SNTG2: variants seen among roughly 807,000 people sequenced by gnomAD.
SNTG2 encodes gamma-2-syntrophin.
In SNTG2, 74 loss-of-function variants were observed where a neutral mutation model predicts 70.9. The ratio of observed to expected loss-of-function variants is 1.04; its 90% CI spans 0.86 to 1.27. The LOEUF is 1.27. Among genes scored for constraint, SNTG2 ranks in the 50% most tolerant of loss-of-function variants. SNTG2 has a pLI of 0.00. For synonymous variants in SNTG2, 278 were observed against 273.8 expected, an observed-to-expected ratio of 1.02 and a Z score of -0.15; for missense variants, 717 against 690.7, an observed-to-expected ratio of 1.04 and a Z score of -0.43.
intron 12 of SNTG2, among the ~76,000 whole-genome samples, chr2:1,254,697 G>A (rs561618000): frequency 1.2e-4 from 19 of 152,222 alleles, no homozygotes; most frequent in Admixed American, 5.2e-4. Flanking sequence ...CTACAATTTC[G>A]GCTCCATTTC....
intron 11 of SNTG2, among the ~76,000 whole-genome samples, chr2:1,241,342 T>A (rs1242061140): frequency 1.3e-5 from 2 of 152,180 alleles, no homozygotes; most frequent in Non-Finnish European, 2.9e-5. Flanking sequence ...AGAGCATACG[T>A]GGGAATGGGC....
chr2:1,194,060 G>A (rs115172472), intron 8 of SNTG2, among the ~76,000 whole-genome samples: 1,992 of 152,342 alleles, frequency 0.013, 46 homozygotes, highest in African/African-American at 0.045. Context: ...CACAGGGCAG[G>A]AATCCTGGCA....
chr2:1,147,767 A>G (rs1242781809), intron 6 of SNTG2, among the ~76,000 whole-genome samples: 1 of 152,228 alleles, frequency 6.6e-6, no homozygotes, highest in African/African-American at 2.4e-5. Context: ...GAGTGAGGCT[A>G]ATGACTAGCT....
intron 4 of SNTG2, among the ~76,000 whole-genome samples, chr2:1,114,810 A>T (rs1015499178): frequency 6.6e-6 from 1 of 152,112 alleles, no homozygotes; most frequent in Non-Finnish European, 1.5e-5. Flanking sequence ...TAACCCTTAT[A>T]GTCCTTTGAG....
chr2:1,273,585 G>A (rs1679146872), intron 14 of SNTG2, among the ~76,000 whole-genome samples: 1 of 151,338 alleles, frequency 6.6e-6, no homozygotes, highest in Admixed American at 6.6e-5. Context: ...TGGGATAATT[G>A]GATGCCTATA....
At chr2:1,220,175 T>A (rs771599352) in intron 9 of SNTG2, 4 of 152,390 alleles carry the variant, frequency 2.6e-5, no homozygotes. Context: ...AGGGAGACAG[T>A]GTCCTGGCAG....
intron 1 of SNTG2, among the ~76,000 whole-genome samples, chr2:1,056,692 A>G (rs1176916973): frequency 2.2e-4 from 3 of 13,374 alleles, no homozygotes; most frequent in African/African-American, 2.6e-4. Flanking sequence ...CGGGAGGGAG[A>G]GGGCGGCGCC....
At chr2:953,404 A>G (rs2147937771) in intron 1 of SNTG2, among the ~76,000 whole-genome samples, 1 of 152,376 alleles carries the variant, frequency 6.6e-6, no homozygotes, top group Admixed American at 6.5e-5. Context: ...AGCCGGGAAC[A>G]TGCCCATTTA....
At chr2:980,581 A>G (rs1661064538) in intron 1 of SNTG2, among the ~76,000 whole-genome samples, 1 of 152,192 alleles carries the variant, frequency 6.6e-6, no homozygotes, top group Non-Finnish European at 1.5e-5. Flanking sequence ...TGATTTCTAC[A>G]GAGCTCACAT....
intron 1 of SNTG2, among the ~76,000 whole-genome samples, chr2:1,052,909 A>C (rs1043413210): frequency 1.3e-5 from 2 of 152,234 alleles, no homozygotes; most frequent in African/African-American, 2.4e-5. Context: ...GTAAGCTCAC[A>C]ATCTGTTCAA....
At chr2:1,263,279 A>G (rs1425013148) in intron 13 of SNTG2, among the ~76,000 whole-genome samples, 1 of 152,216 alleles carries the variant, frequency 6.6e-6, no homozygotes, top group African/African-American at 2.4e-5. Flanking sequence ...TAATTCTACT[A>G]TAAATTTATA....
chr2:1,137,645 G>A lies in SNTG2; in HGVS notation c.349G>A (p.Val117Ile), dbSNP rs777751639. The A allele has an allele frequency of 2.9e-5, 47 of 1,612,950 alleles. No homozygotes were observed. Among genetic ancestry groups the A allele is most frequent in the Middle Eastern group, 1.7e-4 (1 of 6,056 alleles). Residue 117 changes from valine to isoleucine, a missense_variant, in exon 5 of 17, where the codon GTA becomes ATA. Transcript: ENST00000308624. ...AGCTGACCAGACAGGGATGTTGTTC[G>A]TAGGAGATGCTGTTCTCCAGGTCAG... ...QAADQTGMLF[V>I]GDAVLQVNGI...
chr2:1,049,068 C>T (rs1319106544), intron 1 of SNTG2, among the ~76,000 whole-genome samples: 1 of 152,094 alleles, frequency 6.6e-6, no homozygotes, highest in Non-Finnish European at 1.5e-5. Flanking sequence ...CCTATGTACT[C>T]CTAGTCCCCC....
At chr2:983,629 G>A (rs962559195) in intron 1 of SNTG2, among the ~76,000 whole-genome samples, 2 of 152,228 alleles carry the variant, frequency 1.3e-5, no homozygotes, top group Non-Finnish European at 2.9e-5. Flanking sequence ...GCACTCAGTG[G>A]CTCCCGTTGC....
intron 6 of SNTG2, among the ~76,000 whole-genome samples, chr2:1,150,289 A>G (rs1307210892): frequency 6.6e-6 from 1 of 152,192 alleles, no homozygotes; most frequent in Non-Finnish European, 1.5e-5. Context: ...GGCAGTGCTA[A>G]CAAGCATCTT....
intron 8 of SNTG2, among the ~76,000 whole-genome samples, chr2:1,196,883 C>T (rs1672941082): frequency 6.6e-6 from 1 of 151,966 alleles, no homozygotes; most frequent in Non-Finnish European, 1.5e-5. Flanking sequence ...ATTAAGGGAG[C>T]CCTACACCTG....
At chr2:1,144,889 CA>C (rs1472361283) in intron 6 of SNTG2, among the ~76,000 whole-genome samples, 1 of 152,134 alleles carries the variant, frequency 6.6e-6, no homozygotes, top group Admixed American at 6.5e-5. Flanking sequence ...GCTCTTAAAC[CA>C]AAATGGAGTT....
intron 8 of SNTG2, among the ~76,000 whole-genome samples, chr2:1,189,420 G>T (rs929266112): frequency 2.6e-5 from 4 of 152,084 alleles, no homozygotes; most frequent in African/African-American, 9.7e-5. Flanking sequence ...GCATAGTCAA[G>T]GTATTATTGA....
At chr2:1,009,307 G>A (rs920338198) in intron 1 of SNTG2, among the ~76,000 whole-genome samples, 1 of 119,206 alleles carries the variant, frequency 8.4e-6, no homozygotes, top group Non-Finnish European at 1.7e-5. Flanking sequence ...TGCTGGTTCT[G>A]ATACTGGTGT....
Sources: allele counts gnomAD v4.1 joint callset (sites outside exome capture counted in the v4.1 genomes callset), GRCh38; gene constraint gnomAD v4.1.1; transcripts MANE v1.5; gene names NCBI Gene and HGNC (gene_info 2026-07-23, HGNC 2026-07-21).